AFF3: variants seen among roughly 807,000 people sequenced by gnomAD.
The protein encoded by AFF3 is AF4/FMR2 family member 3.
Under a neutral mutation model 129.7 loss-of-function variants are expected in AFF3, and 32 were observed. The observed-to-expected ratio is 0.25, with a 90% confidence interval of 0.19 to 0.33. AFF3 has a LOEUF of 0.33. AFF3 is among the 10% of genes least tolerant of loss of function. The pLI is 1.00. For missense variants in AFF3, 1,373 were observed against 1,592.0 expected (o/e 0.86, Z 2.34); for synonymous variants, 644 against 635.4 (o/e 1.01, Z -0.20).
At position 100,006,958 on chromosome 2, in the gene AFF3, C is replaced by T; in HGVS notation, c.547G>A (p.Ala183Thr). 1 of 1,613,940 alleles carries T rather than the reference C, an allele frequency of 6.2e-7. No homozygotes were observed. The highest frequency in any genetic ancestry group is 8.5e-7 in the Non-Finnish European group (1 of 1,179,920). ...ACCTCCACATTGCACACTTGTTTGG[C>T]CCGAGGCTGCTGTCTGCCAACACCA... ...GDGVGRQQPR[A>T]KQVCNVEVGL... Residue 183 changes from alanine to threonine, a missense_variant, in exon 7 of 25, where the codon GCC (alanine) becomes ACC (threonine). Around this residue, in one of 9 missense-constraint regions of AFF3, gnomAD observed 255 missense variants for 256.0 expected, o/e 1.00. Transcript: ENST00000672756.
intron 12 of AFF3, among the ~76,000 whole-genome samples, chr2:99,668,644 C>T (rs1686892752): frequency 6.6e-6 from 1 of 151,946 alleles, no homozygotes; most frequent in South Asian, 2.1e-4. Flanking sequence ...CTCACTGCAA[C>T]CTCCGCCTCC....
Position 100,006,616 on chromosome 2 carries a change from G to A in AFF3, c.873+16C>T. On this transcript the variant is annotated intron_variant, in intron 7 of 24. Coordinates refer to ENST00000672756, the MANE Select transcript of AFF3 (RefSeq NM_001386135.1). ...AACTATGCAGTTGCATGTGAACGGTGCTGATAAAGACTCACCTCCCCCTGC... is the reference window on the plus strand; with the variant it reads ...AACTATGCAGTTGCATGTGAACGGTACTGATAAAGACTCACCTCCCCCTGC... 6.3e-7 allele frequency: 1 copy of A among 1,593,054 alleles called. No individual in the cohort carries two copies. Among genetic ancestry groups the A allele is most frequent in the Non-Finnish European group, 8.6e-7 (1 of 1,165,606 alleles).
intron 7 of AFF3, among the ~76,000 whole-genome samples, chr2:99,957,078 C>G (rs1030102632): frequency 6.6e-6 from 1 of 152,206 alleles, no homozygotes; most frequent in Non-Finnish European, 1.5e-5. Flanking sequence ...CCTGTGAAAT[C>G]TGAAAGGGGT....
intron 4 of AFF3, among the ~76,000 whole-genome samples, chr2:100,102,397 T>A (rs1479835671): frequency 1.3e-5 from 2 of 152,064 alleles, no homozygotes; most frequent in Non-Finnish European, 2.9e-5. Context: ...ATCAAGAAAG[T>A]CTACATGCCT....
chr2:99,674,001 C>T (rs1295621473), intron 11 of AFF3, among the ~76,000 whole-genome samples: 7 of 152,304 alleles, frequency 4.6e-5, no homozygotes, highest in Non-Finnish European at 8.8e-5. Context: ...TCCCCAGTTT[C>T]GTCAAGGAGA....
At position 99,565,495 on chromosome 2, in the gene AFF3, C is replaced by G; in HGVS notation, c.3111G>C (p.Glu1037Asp). The stretch of plus-strand genomic sequence containing the variant: ...GAAAACACGGTGCTTACCTGATGAG[C>G]TCTACTGTTTCTGAATACATCGTAT... ...SPYTMYSETVELIRYAMRLKT... is the reference protein window; with the variant it reads ...SPYTMYSETVDLIRYAMRLKT... Residue 1037 changes from glutamate to aspartate, a missense_variant, in exon 20 of 25, where the codon GAG (glutamate) becomes GAC (aspartate). Coordinates refer to ENST00000672756, the MANE Select transcript of AFF3 (RefSeq NM_001386135.1). The G allele has an allele frequency of 6.2e-7, 1 of 1,614,108 alleles. No individual in the cohort carries two copies. The highest frequency in any genetic ancestry group is 8.5e-7 in the Non-Finnish European group (1 of 1,179,938).
At chr2:99,996,361 C>T (rs933273080) in intron 7 of AFF3, among the ~76,000 whole-genome samples, 1 of 151,910 alleles carries the variant, frequency 6.6e-6, no homozygotes, top group Non-Finnish European at 1.5e-5. Flanking sequence ...TGATTATTTC[C>T]AGATTATAGA....
Position 99,623,039 on chromosome 2 carries a change from G to A in AFF3, c.1185-21418C>T, listed in dbSNP as rs1682185820. ...TTGGTGGTCGAAGGGAGAGAGGACA[G>A]GAGGAAGGTATTTAGTCAGACTTCA... On this transcript the variant is annotated intron_variant, in intron 13 of 24. Coordinates refer to ENST00000672756, the MANE Select transcript of AFF3 (RefSeq NM_001386135.1). 2.0e-5 allele frequency among the ~76,000 whole-genome samples: 3 copies of A among 152,164 alleles called. No individual in the cohort carries two copies. In the South Asian group the frequency reaches 6.2e-4, roughly 32 times the overall value.
intron 4 of AFF3, among the ~76,000 whole-genome samples, chr2:100,069,179 T>C (rs1250215167): frequency 6.6e-6 from 1 of 152,158 alleles, no homozygotes; most frequent in Non-Finnish European, 1.5e-5. Context: ...GATGGATTTC[T>C]ATCATTTTTT....
intron 17 of AFF3, chr2:99,580,872 T>C (rs1401501004): frequency 6.6e-6 from 1 of 152,380 alleles, no homozygotes; most frequent in African/African-American, 2.4e-5. Context: ...CATTCCAGTC[T>C]GGGTGACAGA....
At chr2:99,888,149 T>C (rs1248394149) in intron 7 of AFF3, among the ~76,000 whole-genome samples, 1 of 152,220 alleles carries the variant, frequency 6.6e-6, no homozygotes, top group African/African-American at 2.4e-5. Flanking sequence ...AAAAAGTATA[T>C]TCCCAATAAA....
chr2:99,634,657 A>C (rs1360397784), intron 13 of AFF3, among the ~76,000 whole-genome samples: 2 of 152,232 alleles, frequency 1.3e-5, no homozygotes, highest in Non-Finnish European at 2.9e-5. Flanking sequence ...GCTTCAAGAA[A>C]TATGTCTTAG....
At chr2:100,074,554 G>A (rs1688447321) in intron 4 of AFF3, among the ~76,000 whole-genome samples, 1 of 152,164 alleles carries the variant, frequency 6.6e-6, no homozygotes, top group African/African-American at 2.4e-5. Context: ...AAAATGGTTT[G>A]TTAATAGATT....
intron 5 of AFF3, 114 bp from the exon 6 acceptor site, chr2:100,007,574 G>A: frequency 1.0e-6 from 1 of 953,208 alleles, no homozygotes; most frequent in East Asian, 2.4e-5. Flanking sequence ...CAGAATGAGA[G>A]CTGAGAGATG....
chr2:100,137,315 T>C (rs1692676090), intron 1 of AFF3, among the ~76,000 whole-genome samples: 1 of 152,236 alleles, frequency 6.6e-6, no homozygotes, highest in Admixed American at 6.5e-5. Flanking sequence ...TCCCAGATAT[T>C]CCCAATTTCA....
At chr2:99,863,338 C>T (rs1465267284) in intron 7 of AFF3, among the ~76,000 whole-genome samples, 1 of 152,082 alleles carries the variant, frequency 6.6e-6, no homozygotes, top group Non-Finnish European at 1.5e-5. Context: ...ATTATATTTT[C>T]TTTTGGGCTA....
chr2:99,690,736 C>A (rs1675575604), intron 11 of AFF3, among the ~76,000 whole-genome samples: 1 of 151,648 alleles, frequency 6.6e-6, no homozygotes, highest in Non-Finnish European at 1.5e-5. Flanking sequence ...AGACTTTTCA[C>A]AAATATATTT....
chr2:99,619,549 G>A (rs1411607847), intron 13 of AFF3, among the ~76,000 whole-genome samples: 1 of 152,160 alleles, frequency 6.6e-6, no homozygotes, highest in Non-Finnish European at 1.5e-5. Context: ...CAGGGAACAG[G>A]GACCACAATT....
chr2:99,568,107 T>C (rs1575378269), intron 19 of AFF3, among the ~76,000 whole-genome samples: 1 of 152,200 alleles, frequency 6.6e-6, no homozygotes, highest in Admixed American at 6.5e-5. Flanking sequence ...TGTTTAAACA[T>C]CTTCAGTATT....
Sources: gnomAD v4.1 joint callset for allele counts (sites outside exome capture counted in the v4.1 genomes callset) on GRCh38, gnomAD v4.1.1 for gene constraint, gnomAD v4.1.1 regional missense constraint, MANE v1.5 for transcripts, NCBI Gene and HGNC (gene_info 2026-07-23, HGNC 2026-07-21) for gene names.